The following SMOC2 variants were observed in gnomAD, a reference collection of about 807,000 sequenced individuals.
SMOC2 encodes SPARC related modular calcium binding 2, also known as SPARC-related modular calcium-binding protein 2.
SMOC2 carries 39 observed loss-of-function variants against 61.4 expected under a neutral mutation model. The observed-to-expected ratio is 0.64, with a 90% confidence interval of 0.49 to 0.83. The LOEUF is 0.83. Among genes scored for constraint, SMOC2 ranks in the 40% least tolerant of loss-of-function variants. The pLI, the probability that SMOC2 is intolerant of heterozygous loss-of-function variation, is 0.00. For missense variants in SMOC2, 556 were observed against 592.9 expected, an observed-to-expected ratio of 0.94 and a Z score of 0.65; for synonymous variants, 247 against 239.9, an observed-to-expected ratio of 1.03 and a Z score of -0.27.
intron 4 of SMOC2, among the ~76,000 whole-genome samples, chr6:168,528,163 C>T (rs1283614168): frequency 6.6e-6 from 1 of 151,806 alleles, no homozygotes; most frequent in Admixed American, 6.6e-5. Context: ...AAGTCAATTT[C>T]AAAATGGTTT....
At chr6:168,498,066 T>C (rs1267827702) in intron 1 of SMOC2, among the ~76,000 whole-genome samples, 1 of 152,146 alleles carries the variant, frequency 6.6e-6, no homozygotes, top group Non-Finnish European at 1.5e-5. Flanking sequence ...AGACAGGTGA[T>C]CTGTGGAGCT....
intron 7 of SMOC2, among the ~76,000 whole-genome samples, chr6:168,554,308 T>C (rs1331914156): frequency 6.6e-6 from 1 of 152,258 alleles, no homozygotes. Context: ...GAAAAACTTG[T>C]CTCGATTTCC....
At chr6:168,513,364 T>C (rs970512206) in intron 2 of SMOC2, among the ~76,000 whole-genome samples, 4 of 152,094 alleles carry the variant, frequency 2.6e-5, no homozygotes, top group Non-Finnish European at 5.9e-5. Flanking sequence ...TAGTAGACAT[T>C]TAGGTTTCAG....
At chr6:168,513,484 TACAC>T (rs910887205) in intron 2 of SMOC2, among the ~76,000 whole-genome samples, 20 of 27,336 alleles carry the variant, frequency 7.3e-4, no homozygotes, top group Non-Finnish European at 1.2e-3. Context: ...CACACATACA[TACAC>T]ACACACACAC....
intron 9 of SMOC2, among the ~76,000 whole-genome samples, chr6:168,632,923 C>A (rs937091942): frequency 6.6e-6 from 1 of 152,200 alleles, no homozygotes; most frequent in African/African-American, 2.4e-5. Flanking sequence ...TGGGTCCCAC[C>A]CACCATTCCT....
intron 1 of SMOC2, among the ~76,000 whole-genome samples, chr6:168,447,367 TAGA>T (rs1781354540): frequency 6.6e-6 from 1 of 152,206 alleles, no homozygotes; most frequent in African/African-American, 2.4e-5. Context: ...CTGCCCAAAT[TAGA>T]AGAAACTTCC....
chr6:168,667,236 TGACCGAG>T lies in SMOC2; in HGVS notation c.*799_*805del, dbSNP rs1787683804. The T allele has an allele frequency of 6.6e-6, 1 of 152,176 alleles. No homozygotes were observed. Among genetic ancestry groups the T allele is most frequent in the Non-Finnish European group, 1.5e-5 (1 of 68,054 alleles). 9.4% of individuals were successfully genotyped at this position (152,176 alleles called of 1,614,324 possible). ...CCAAAATGTAAATCCAGTCGCGGTG[TGACCGAG>T]CTGGCTAACAGGCTTGTCTGCCTGG... On this transcript the variant is annotated 3_prime_UTR_variant, in exon 13 of 13. Transcript: ENST00000356284.
chr6:168,605,770 G>T (rs1458289154), intron 8 of SMOC2, among the ~76,000 whole-genome samples: 1 of 152,010 alleles, frequency 6.6e-6, no homozygotes, highest in African/African-American at 2.4e-5. Flanking sequence ...GGGCTTCAGG[G>T]GCACAACAGA....
intron 7 of SMOC2, among the ~76,000 whole-genome samples, chr6:168,559,750 T>A (rs1784352441): frequency 6.6e-6 from 1 of 152,156 alleles, no homozygotes; most frequent in Non-Finnish European, 1.5e-5. Context: ...CTGTGAGCAA[T>A]TAACGATTTA....
chr6:168,652,077 T>G (rs34458026), intron 10 of SMOC2, among the ~76,000 whole-genome samples: 2 of 151,530 alleles, frequency 1.3e-5, no homozygotes, highest in Non-Finnish European at 2.9e-5. Context: ...AGAGTCAAAC[T>G]GTATGTAAAT....
chr6:168,477,867 C>G (rs1782124787), intron 1 of SMOC2, among the ~76,000 whole-genome samples: 1 of 152,178 alleles, frequency 6.6e-6, no homozygotes, highest in Admixed American at 6.5e-5. Context: ...GCGTATTCTA[C>G]AAAGCATTTT....
At chr6:168,486,295 C>T (rs1782330871) in intron 1 of SMOC2, among the ~76,000 whole-genome samples, 1 of 152,150 alleles carries the variant, frequency 6.6e-6, no homozygotes, top group African/African-American at 2.4e-5. Context: ...CAAGGCAGCA[C>T]TTTATCCATC....
chr6:168,558,610 C>A (rs1784305906), intron 7 of SMOC2, among the ~76,000 whole-genome samples: 1 of 152,130 alleles, frequency 6.6e-6, no homozygotes, highest in African/African-American at 2.4e-5. Context: ...CGGAAAAGCC[C>A]CAGAGCTCAG....
At chr6:168,559,776 A>G (rs1784353378) in intron 7 of SMOC2, among the ~76,000 whole-genome samples, 1 of 152,178 alleles carries the variant, frequency 6.6e-6, no homozygotes, top group African/African-American at 2.4e-5. Context: ...GGTGACTAGT[A>G]AAGAATTTTA....
rs1309547675 is a variant in SMOC2 at position 168,667,869 on chromosome 6, A to G, written c.*1431A>G. 1.3e-5 allele frequency: 2 copies of G among 152,238 alleles called. No homozygotes were observed. Among genetic ancestry groups the G allele is most frequent in the African/African-American group, 4.8e-5 (2 of 41,452 alleles). The allele number at this position is 152,238 out of a possible 1,614,324, so 9.4% of individuals were successfully genotyped here. On this transcript the variant is annotated 3_prime_UTR_variant, in exon 13 of 13. Transcript: ENST00000356284. ...CCTTTGGAGCCACAGAACCAGCTCAAGTACATGCCAATGTTGTTTAAGAAA... is the reference window on the plus strand; with the variant it reads ...CCTTTGGAGCCACAGAACCAGCTCAGGTACATGCCAATGTTGTTTAAGAAA...
intron 7 of SMOC2, among the ~76,000 whole-genome samples, chr6:168,566,839 G>A (rs73789113): frequency 0.014 from 2,107 of 152,278 alleles, 45 homozygotes; most frequent in African/African-American, 0.048. Context: ...TTTGCAAAGT[G>A]TAGAGTGGGT....
chr6:168,487,832 A>G (rs1225067871), intron 1 of SMOC2, among the ~76,000 whole-genome samples: 1 of 152,188 alleles, frequency 6.6e-6, no homozygotes, highest in African/African-American at 2.4e-5. Flanking sequence ...AAAAACATAC[A>G]TGGCACACAA....
chr6:168,572,202 A>G lies in SMOC2; in HGVS notation c.637+22999A>G, dbSNP rs377560912. 3.2e-4 allele frequency among the ~76,000 whole-genome samples: 19 copies of G among 59,064 alleles called. 1 individual carries two copies. The South Asian group carries it at 6.7e-3, about 21-fold the overall frequency. 38.7% of individuals were successfully genotyped at this position (59,064 alleles called of 152,430 possible). A position where few individuals can be genotyped will look rare whatever the true frequency, so the allele number is the denominator to read the frequency against. ...CCCCGCATCTCCGGGTGCCGGGACC[A>G]GGGCTGCGTGGTCCCTGAACGCGAT... On this transcript the variant is annotated intron_variant, in intron 7 of 12. Coordinates refer to ENST00000356284, the MANE Select transcript of SMOC2 (RefSeq NM_001166412.2).
At chr6:168,641,295 C>G (rs994906217) in intron 9 of SMOC2, among the ~76,000 whole-genome samples, 3 of 152,098 alleles carry the variant, frequency 2.0e-5, no homozygotes, top group Non-Finnish European at 4.4e-5. Context: ...GATCCCTCCT[C>G]AAGCCTGCGA....
Sources: allele counts gnomAD v4.1 joint callset (sites outside exome capture counted in the v4.1 genomes callset), GRCh38; gene constraint gnomAD v4.1.1; transcripts MANE v1.5; gene names NCBI Gene and HGNC (gene_info 2026-07-23, HGNC 2026-07-21).